The following CHD1L variants were observed in gnomAD, a reference collection of about 807,000 sequenced individuals.
CHD1L encodes the protein ATP-dependent chromatin remodeler CHD1L.
CHD1L carries 118 observed loss-of-function variants against 115.9 expected under a neutral mutation model. That is an observed-to-expected ratio of 1.02 (90% confidence interval 0.88 to 1.19). The LOEUF (loss-of-function observed/expected upper bound fraction) is 1.19. Among genes scored for constraint, CHD1L ranks in the 50% most tolerant of loss-of-function variants. The pLI, the probability that CHD1L is intolerant of heterozygous loss-of-function variation, is 0.00. For synonymous variants in CHD1L, 411 were observed against 387.1 expected, an observed-to-expected ratio of 1.06 and a Z score of -0.72; for missense variants, 1,179 against 1,065.3, an observed-to-expected ratio of 1.11 and a Z score of -1.49.
intron 18 of CHD1L, 126 bp downstream of exon 18, chr1:147,286,626 A>G: frequency 1.2e-6 from 1 of 802,814 alleles, no homozygotes. Context: ...AAAAAGTGTG[A>G]ATTTTAGAGT....
At chr1:147,248,235 T>C (rs1430685513) in intron 1 of CHD1L, among the ~76,000 whole-genome samples, 4 of 151,548 alleles carry the variant, frequency 2.6e-5, no homozygotes, top group Non-Finnish European at 5.9e-5. Flanking sequence ...GAGACGGAGT[T>C]TCGCTCTTGT....
At chr1:147,252,875 C>T (rs1390599069) in intron 2 of CHD1L, 140 bp downstream of exon 2, 2 of 672,146 alleles carry the variant, frequency 3.0e-6, no homozygotes, top group Non-Finnish European at 2.5e-6. Flanking sequence ...GGCTCTTGCA[C>T]CGGGAAAGGG....
chr1:147,293,309 T>C (rs1686276570), intron 20 of CHD1L, among the ~76,000 whole-genome samples: 1 of 93,140 alleles, frequency 1.1e-5, no homozygotes, highest in Non-Finnish European at 2.4e-5. Context: ...AGAAAAATTC[T>C]CTTTTTTTTT....
chr1:147,240,952 C>T (rs1157191924), upstream of CHD1L, among the ~76,000 whole-genome samples: 3 of 151,622 alleles, frequency 2.0e-5, no homozygotes, highest in Admixed American at 2.0e-4. Flanking sequence ...GCGCCGGTTC[C>T]CTGGGCCCAC....
At chr1:147,256,039 G>A in intron 4 of CHD1L, 112 bp downstream of exon 4, 1 of 610,564 alleles carries the variant, frequency 1.6e-6, no homozygotes. Flanking sequence ...TTCTGGGCAG[G>A]GAGTCTACCT....
the CHD1L span, chr1:147,215,513 T>G: frequency 2.2e-6 from 1 of 464,892 alleles, no homozygotes; most frequent in Non-Finnish European, 3.8e-6. Context: ...GAAATGAAGG[T>G]AATGAAAACA....
the CHD1L span, among the ~76,000 whole-genome samples, chr1:147,199,228 C>T: frequency 2.8e-5 from 4 of 144,976 alleles, no homozygotes; most frequent in East Asian, 5.9e-4. Context: ...GTTGGGCAGA[C>T]ATGAAAAAAA....
chr1:147,200,725 A>G, the CHD1L span, among the ~76,000 whole-genome samples: 1 of 152,206 alleles, frequency 6.6e-6, no homozygotes, highest in Admixed American at 6.5e-5. Context: ...GCCGAAATAA[A>G]GTCATACTAT....
At chr1:147,180,204 G>C in the CHD1L span, among the ~76,000 whole-genome samples, 5 of 152,154 alleles carry the variant, frequency 3.3e-5, no homozygotes, top group Non-Finnish European at 5.9e-5. Flanking sequence ...GTGTCATGTT[G>C]TATAGTCAGA....
At chr1:147,251,474 C>G (rs1371306757) in intron 1 of CHD1L, among the ~76,000 whole-genome samples, 1 of 152,132 alleles carries the variant, frequency 6.6e-6, no homozygotes, top group Admixed American at 6.5e-5. Flanking sequence ...GGGGATAATA[C>G]CTACTCCATA....
chr1:147,293,579 G>A (rs1408173043), intron 20 of CHD1L, 29 bp from the exon 21 acceptor site: 1 of 1,590,116 alleles, frequency 6.3e-7, no homozygotes, highest in African/African-American at 1.3e-5. Context: ...TTCATGTTGG[G>A]TTGGTCATCT....
At chr1:147,288,756 A>G (rs1684374234) in intron 19 of CHD1L, among the ~76,000 whole-genome samples, 1 of 152,190 alleles carries the variant, frequency 6.6e-6, no homozygotes, top group South Asian at 2.1e-4. Context: ...GCTGAGTGGA[A>G]TGAAGATGTG....
At chr1:147,271,603 C>CT (rs151251830) in intron 11 of CHD1L, among the ~76,000 whole-genome samples, 4,243 of 152,294 alleles carry the variant, frequency 0.028, 191 homozygotes, top group African/African-American at 0.096. Context: ...GACCGGGTGT[C>CT]TGAGTTCCGC....
chr1:147,198,724 G>A, the CHD1L span, among the ~76,000 whole-genome samples: 91 of 151,948 alleles, frequency 6.0e-4, no homozygotes, highest in African/African-American at 1.8e-3. Flanking sequence ...GGTGGCGGGC[G>A]CCTGTAGTCC....
At chr1:147,246,334 TTGCC>T (rs1666617539) in intron 1 of CHD1L, among the ~76,000 whole-genome samples, 1 of 152,220 alleles carries the variant, frequency 6.6e-6, no homozygotes, top group Non-Finnish European at 1.5e-5. Flanking sequence ...TTTGTGGCTA[TTGCC>T]AAAAAAGAAA....
At chr1:147,179,532 A>G in the CHD1L span, 1 of 1,586,214 alleles carries the variant, frequency 6.3e-7, no homozygotes, top group Middle Eastern at 1.7e-4. Flanking sequence ...CCATGAATTA[A>G]GTGATTTTAT....
chr1:147,228,901 G>A, the CHD1L span, among the ~76,000 whole-genome samples: 4 of 152,044 alleles, frequency 2.6e-5, no homozygotes, highest in African/African-American at 9.7e-5. Context: ...TGTAGATTCT[G>A]GATATTAGCC....
At chr1:147,250,254 C>T (rs1292943553) in intron 1 of CHD1L, among the ~76,000 whole-genome samples, 3 of 151,994 alleles carry the variant, frequency 2.0e-5, no homozygotes, top group Non-Finnish European at 2.9e-5. Flanking sequence ...TATCTTTTTT[C>T]GTTCAGTTTG....
At chr1:147,189,515 C>A in the CHD1L span, among the ~76,000 whole-genome samples, 1 of 152,130 alleles carries the variant, frequency 6.6e-6, no homozygotes, top group Non-Finnish European at 1.5e-5. Context: ...CTCTTTAGGC[C>A]TGGAATGATT....
Sources: allele counts gnomAD v4.1 joint callset (sites outside exome capture counted in the v4.1 genomes callset), GRCh38; gene constraint gnomAD v4.1.1; transcripts MANE v1.5; gene names NCBI Gene and HGNC (gene_info 2026-07-23, HGNC 2026-07-21).